Variants in CLCN4 observed in about 807,000 individuals in gnomAD.
CLCN4 encodes Cl-/H+ antiporter 4.
A neutral mutation model predicts 41.7 loss-of-function variants in CLCN4; 1 was observed. The ratio of observed to expected loss-of-function variants is 0.02; its 90% CI spans 0.01 to 0.11. The LOEUF is 0.11. CLCN4 is among the 10% of genes least tolerant of loss of function. The pLI is 1.00. For synonymous variants in CLCN4, 277 were observed against 285.8 expected, an observed-to-expected ratio of 0.97 and a Z score of 0.31; for missense variants, 287 against 661.0, an observed-to-expected ratio of 0.43 and a Z score of 6.20.
chrX:10,164,164 T>G lies in CLCN4; in HGVS notation c.-12+5613T>G, dbSNP rs1289243531. On this transcript the variant is annotated intron_variant, in intron 2 of 12. Coordinates refer to ENST00000380833, the MANE Select transcript of CLCN4 (RefSeq NM_001830.4). ...GTCAGGGAGGGCAAGAAGGCCTCTC[T>G]GAGGGGTCGCACTTGAGCAGAGATC... is the stretch of plus-strand genomic sequence containing the variant. 2.7e-5 allele frequency among the ~76,000 whole-genome samples: 3 copies of G among 112,192 alleles called. No homozygotes were observed. The East Asian group carries it at 8.4e-4, about 31-fold the overall frequency.
In CLCN4 at chrX:10,187,523, C is replaced by T; in HGVS notation, c.153C>T (p.Ser51=). ...RDTDRHRKIT[S]KSKESIWEFI... ...TATCTGCTTTGTTCTAGATCACCAG[C>T]AAGAGCAAGGAGTCCATATGGGAGT... The change falls in exon 4 of 13, where the codon AGC becomes AGT. Residue 51 remains serine (S), a synonymous_variant. Coordinates refer to ENST00000380833, the MANE Select transcript of CLCN4 (RefSeq NM_001830.4). 8.3e-7 allele frequency: 1 copy of T among 1,205,164 alleles called. No homozygotes were observed. Among genetic ancestry groups the T allele is most frequent in the Non-Finnish European group, 1.1e-6 (1 of 889,630 alleles).
At chrX:10,167,065 A>G (rs1230086138) in intron 2 of CLCN4, among the ~76,000 whole-genome samples, 1 of 112,562 alleles carries the variant, frequency 8.9e-6, no homozygotes, top group Non-Finnish European at 1.9e-5. Flanking sequence ...CCGGGGAGGA[A>G]GTGGGAGGAG....
chrX:10,169,955 G>A (rs1460042783), intron 2 of CLCN4, among the ~76,000 whole-genome samples: 4 of 109,338 alleles, frequency 3.7e-5, no homozygotes, highest in African/African-American at 1.3e-4. Context: ...TGCCTGGCTA[G>A]TTTTGTATTT....
chrX:10,178,760 C>T (rs868211196), intron 2 of CLCN4, among the ~76,000 whole-genome samples: 1 of 111,331 alleles, frequency 9.0e-6, no homozygotes, highest in Non-Finnish European at 1.9e-5. Context: ...CCTGGGCTGT[C>T]GGCTCCTTGC....
At chrX:10,163,363 AT>A (rs34955324) in intron 2 of CLCN4, among the ~76,000 whole-genome samples, 61 of 98,502 alleles carry the variant, frequency 6.2e-4, no homozygotes, top group East Asian at 9.2e-4. Context: ...ATGTGCAGGA[AT>A]TTTTTTTTTT....
At chrX:10,168,343 C>T (rs1263101199) in intron 2 of CLCN4, among the ~76,000 whole-genome samples, 1 of 111,707 alleles carries the variant, frequency 9.0e-6, no homozygotes, top group Non-Finnish European at 1.9e-5. Context: ...CACGCCACAG[C>T]CTGTAATGCA....
intron 2 of CLCN4, among the ~76,000 whole-genome samples, chrX:10,177,996 A>C (rs1223410308): frequency 8.9e-6 from 1 of 112,293 alleles, no homozygotes; most frequent in Non-Finnish European, 1.9e-5. Flanking sequence ...TGACCCTTGA[A>C]AGCATTATGC....
At chrX:10,175,941 T>TCTCTCTCTCCCCCTCC (rs1555972634) in intron 2 of CLCN4, among the ~76,000 whole-genome samples, 4,169 of 56,888 alleles carry the variant, frequency 0.073, 95 homozygotes, top group East Asian at 0.42. Context: ...CCTCCCTCCC[T>TCTCTCTCTCCCCCTCC]CTCCCTCTCT....
chrX:10,200,585 T>C (rs1453402411), intron 6 of CLCN4, among the ~76,000 whole-genome samples: 1 of 112,553 alleles, frequency 8.9e-6, no homozygotes, highest in Non-Finnish European at 1.9e-5. Flanking sequence ...CGAATATCAG[T>C]TCTATCTTTG....
chrX:10,222,449 T>C (rs763366767), intron 12 of CLCN4, among the ~76,000 whole-genome samples: 1 of 111,533 alleles, frequency 9.0e-6, no homozygotes, highest in Admixed American at 9.5e-5. Context: ...AACTATCTAA[T>C]ATAGCTTATA....
At position 10,206,507 on chromosome X, in the gene CLCN4, C is replaced by G. The variant is rs777452988; in HGVS notation, c.705C>G (p.Gly235=). The stretch of plus-strand genomic sequence containing the variant: ...TAGTGCACGTGGCTTGTTGCTGTGG[C>G]AACTTCTTCAGCAGCCTTTTCTCCA... The part of the protein sequence containing the change: ...GPLVHVACCC[G]NFFSSLFSKY... The change falls in exon 7 of 13, where the codon GGC becomes GGG. Residue 235 remains glycine (G), a synonymous_variant. Coordinates refer to ENST00000380833, the MANE Select transcript of CLCN4 (RefSeq NM_001830.4). 14 of 1,208,945 alleles carry G rather than the reference C, an allele frequency of 1.2e-5. No homozygotes were observed. The highest frequency in any genetic ancestry group is 5.2e-5 in the African/African-American group (3 of 57,348).
At chrX:10,227,143 C>A (rs1306801613) in intron 12 of CLCN4, among the ~76,000 whole-genome samples, 1 of 110,676 alleles carries the variant, frequency 9.0e-6, no homozygotes, top group Admixed American at 9.6e-5. Flanking sequence ...ATGCAAAAAT[C>A]CTCAATAAAA....
At chrX:10,217,748 T>TTG in intron 11 of CLCN4, among the ~76,000 whole-genome samples, 1 of 25,266 alleles carries the variant, frequency 4.0e-5, no homozygotes, top group East Asian at 2.9e-3. Flanking sequence ...CATTCCTTCA[T>TTG]TTTTTTTTTT....
chrX:10,188,106 A>T (rs781115016), intron 4 of CLCN4, among the ~76,000 whole-genome samples: 1 of 111,420 alleles, frequency 9.0e-6, no homozygotes, highest in South Asian at 3.8e-4. Context: ...TTTCATAGAG[A>T]TGGGGTCTCA....
chrX:10,193,269 G>A (rs1436484058), intron 4 of CLCN4, among the ~76,000 whole-genome samples: 1 of 112,218 alleles, frequency 8.9e-6, no homozygotes, highest in African/African-American at 3.2e-5. Context: ...GGAAGCTGAC[G>A]GCTGGGCTAT....
At chrX:10,229,388 T>A (rs756402685) in intron 12 of CLCN4, among the ~76,000 whole-genome samples, 115 of 97,882 alleles carry the variant, frequency 1.2e-3, no homozygotes, top group African/African-American at 3.3e-3. Context: ...ATTTTTAAAA[T>A]ATATATATAT....
At chrX:10,170,296 C>G (rs1393917373) in intron 2 of CLCN4, among the ~76,000 whole-genome samples, 1 of 111,885 alleles carries the variant, frequency 8.9e-6, no homozygotes, top group Admixed American at 9.5e-5. Context: ...TCATTTTATG[C>G]AGGTCCGGAT....
chrX:10,208,650 ACT>A, intron 9 of CLCN4, 60 bp downstream of exon 9: 3 of 1,044,537 alleles, frequency 2.9e-6, no homozygotes, highest in South Asian at 4.5e-5. Context: ...ACAGCACCCT[ACT>A]CTCTAAAATA....
At position 10,227,030 on chromosome X, in the gene CLCN4, C is replaced by T. The variant is rs1038804008; in HGVS notation, c.2192+6153C>T. ...CCAAACAATTGAAAAGGAGGGACTC[C>T]TCCCGAACTCATTTTATGAGGCCAG... On this transcript the variant is annotated intron_variant, in intron 12 of 12. Coordinates refer to ENST00000380833, the MANE Select transcript of CLCN4 (RefSeq NM_001830.4). Among the ~76,000 whole-genome samples the T allele has an allele frequency of 2.7e-5, 3 of 110,847 alleles. No individual in the cohort carries two copies. In the Admixed American group the frequency reaches 2.9e-4, roughly 11 times the overall value.
Sources: gnomAD v4.1 joint callset for allele counts (sites outside exome capture counted in the v4.1 genomes callset) on GRCh38, gnomAD v4.1.1 for gene constraint, MANE v1.5 for transcripts, NCBI Gene and HGNC (gene_info 2026-07-23, HGNC 2026-07-21) for gene names.